The following HERC6 variants were observed in gnomAD, a reference collection of about 807,000 sequenced individuals.
HERC6 encodes the protein HECT and RLD domain containing E3 ubiquitin protein ligase family member 6.
Under a neutral mutation model 114.5 loss-of-function variants are expected in HERC6, and 101 were observed. That is an observed-to-expected ratio of 0.88 (90% confidence interval 0.75 to 1.04). The LOEUF (loss-of-function observed/expected upper bound fraction) is 1.04, where lower values mean the gene tolerates loss of function less well. Ranked by LOEUF, HERC6 falls within the 50% of genes least tolerant of loss-of-function variation. HERC6 has a pLI of 0.00. For missense variants in HERC6, 1,133 were observed against 1,230.9 expected, an observed-to-expected ratio of 0.92 and a Z score of 1.19; for synonymous variants, 408 against 436.2, an observed-to-expected ratio of 0.94 and a Z score of 0.81.
At chr4:88,394,614 G>A (rs929886430) in intron 5 of HERC6, among the ~76,000 whole-genome samples, 16 of 150,396 alleles carry the variant, frequency 1.1e-4, no homozygotes, top group Admixed American at 3.3e-4. Context: ...GTGCAATCTC[G>A]GCTCACTGCA....
Position 88,431,176 on chromosome 4 carries a change from T to C in HERC6, c.2121T>C (p.Asn707=). ...TCTTTCCTTAGGTTGAATTTATTAA[T>C]GAAATTTGTCCTGAGTCTGGAGGGG... The part of the protein sequence containing the change: ...FCKVLVVEFI[N]EICPESGGVS... Residue 707 remains asparagine, a synonymous_variant, in exon 17 of 23, where the codon AAT becomes AAC. Coordinates refer to ENST00000264346, the MANE Select transcript of HERC6 (RefSeq NM_017912.4). The C allele has an allele frequency of 2.5e-6, 4 of 1,606,810 alleles. No individual in the cohort carries two copies. Among genetic ancestry groups the C allele is most frequent in the East Asian group, 2.2e-5 (1 of 44,846 alleles).
chr4:88,405,513 T>A (rs1735775189), intron 9 of HERC6, 41 bp from the exon 10 acceptor site: 1 of 1,104,794 alleles, frequency 9.1e-7, no homozygotes, highest in Non-Finnish European at 1.3e-6. Context: ...AGGCATGCTT[T>A]ATTATATGTT....
chr4:88,401,113 C>T (rs1003962652), intron 8 of HERC6, among the ~76,000 whole-genome samples: 2 of 152,084 alleles, frequency 1.3e-5, no homozygotes, highest in Non-Finnish European at 2.9e-5. Context: ...AAAAGGGGAA[C>T]AAGTGCAAAC....
chr4:88,404,467 G>T (rs933202707), intron 8 of HERC6, among the ~76,000 whole-genome samples: 6 of 152,144 alleles, frequency 3.9e-5, no homozygotes, highest in Admixed American at 1.3e-4. Flanking sequence ...GGGATTGCAG[G>T]CATGAGCCAC....
Position 88,442,700 on chromosome 4 carries a change from A to G in HERC6, c.*240A>G, listed in dbSNP as rs1004615635. 7 of 545,756 alleles carry G rather than the reference A, an allele frequency of 1.3e-5. No homozygotes were observed. In the Admixed American group the frequency reaches 1.9e-4, roughly 15 times the overall value. 33.8% of individuals were successfully genotyped at this position (545,756 alleles called of 1,614,324 possible). On this transcript the variant is annotated 3_prime_UTR_variant, in exon 23 of 23. Coordinates refer to ENST00000264346, the MANE Select transcript of HERC6 (RefSeq NM_017912.4). Reference sequence around the variant, plus strand: ...ACTTGGACACACTCCCTGGCACTGAAGAGTCTGAACACTGGCCTGTGATTG... The same window carrying G: ...ACTTGGACACACTCCCTGGCACTGAGGAGTCTGAACACTGGCCTGTGATTG...
At chr4:88,407,123 G>C (rs983724677) in intron 10 of HERC6, among the ~76,000 whole-genome samples, 12 of 151,938 alleles carry the variant, frequency 7.9e-5, no homozygotes, top group Non-Finnish European at 1.6e-4. Flanking sequence ...TGTCACCCAG[G>C]CTTGAGCGCT....
chr4:88,413,155 C>T lies in HERC6; in HGVS notation c.1447C>T (p.Leu483Phe), dbSNP rs759501698. The part of the protein sequence containing the change: ...SPHQEALSVF[L>F]LLPECPVMHD... ...ACACCAAGAAGCTTTATCAGTTTTC[C>T]TCCTGCTCCCAGAATGTCCTGTGAT... The change falls in exon 12 of 23, where the codon CTC becomes TTC. Residue 483 changes from leucine to phenylalanine, a missense_variant. Leu to Phe is a conservative substitution (Grantham distance 22). Transcript: ENST00000264346. The T allele has an allele frequency of 4.3e-6, 7 of 1,613,508 alleles. No individual in the cohort carries two copies. In the South Asian group the frequency reaches 5.5e-5, roughly 13 times the overall value.
At chr4:88,416,154 A>G (rs551653730) in intron 12 of HERC6, among the ~76,000 whole-genome samples, 2 of 152,300 alleles carry the variant, frequency 1.3e-5, no homozygotes, top group East Asian at 3.9e-4. Context: ...ACAATGGGAG[A>G]GCAGGTGCTC....
At chr4:88,402,933 T>A (rs1735618274) in intron 8 of HERC6, among the ~76,000 whole-genome samples, 1 of 152,212 alleles carries the variant, frequency 6.6e-6, no homozygotes, top group South Asian at 2.1e-4. Context: ...TGAAGGGAAC[T>A]TTAAGAGCCG....
chr4:88,424,008 T>C (rs1737338529), intron 14 of HERC6, 35 bp downstream of exon 14: 2 of 1,045,542 alleles, frequency 1.9e-6, no homozygotes, highest in Non-Finnish European at 2.8e-6. Flanking sequence ...AAAATGTTCA[T>C]ATTTTAAAGG....
chr4:88,384,047 CT>C (rs928186652), intron 2 of HERC6, among the ~76,000 whole-genome samples: 8 of 152,062 alleles, frequency 5.3e-5, no homozygotes, highest in Non-Finnish European at 1.2e-4. Flanking sequence ...CCTGAACTTC[CT>C]TTATCATACT....
At position 88,437,783 on chromosome 4, in the gene HERC6, T is replaced by A. The variant is rs1738907636; in HGVS notation, c.2555+2T>A. ...CATACCTGTGGACCAAACCAACAAG[T>A]AAGTTTTGACAGCTAGAATATCTGT... On this transcript the variant is annotated splice_donor_variant, in intron 20 of 22. Coordinates refer to ENST00000264346, the MANE Select transcript of HERC6 (RefSeq NM_017912.4). LOFTEE classifies it high-confidence loss of function. 10 of 1,593,458 alleles carry A rather than the reference T, an allele frequency of 6.3e-6. No individual in the cohort carries two copies. Among genetic ancestry groups the A allele is most frequent in the Non-Finnish European group, 8.6e-6 (10 of 1,164,770 alleles).
chr4:88,417,852 G>A (rs781247640), intron 13 of HERC6, among the ~76,000 whole-genome samples: 10 of 152,052 alleles, frequency 6.6e-5, no homozygotes, highest in Non-Finnish European at 1.3e-4. Context: ...AAGCTGAGGT[G>A]GGAGGATGGC....
At chr4:88,437,670 C>G in intron 19 of HERC6, 41 bp from the exon 20 acceptor site, 4 of 1,290,120 alleles carry the variant, frequency 3.1e-6, no homozygotes, top group Non-Finnish European at 4.4e-6. Context: ...ATTATTCAAA[C>G]TTACTTTGAT....
chr4:88,432,039 C>T (rs1006386998), intron 17 of HERC6, among the ~76,000 whole-genome samples: 9 of 152,168 alleles, frequency 5.9e-5, no homozygotes, highest in Middle Eastern at 3.2e-3. Context: ...GCTGAGCATC[C>T]TGTAATCTGA....
In HERC6 at chr4:88,442,370, G is replaced by A; in HGVS notation, c.2979G>A (p.Lys993=). 2 of 1,613,808 alleles carry A rather than the reference G, an allele frequency of 1.2e-6. No homozygotes were observed. The highest frequency in any genetic ancestry group is 2.2e-5 in the East Asian group (1 of 44,872). ...GTCATAATATTCTCTCCCTCCCTAAGTATTCTACAATGGAAAGAATGGAGG... is the reference window on the plus strand; with the variant it reads ...GTCATAATATTCTCTCCCTCCCTAAATATTCTACAATGGAAAGAATGGAGG... ...ITCHNILSLP[K]YSTMERMEEA... is the part of the protein sequence containing the mutation. The change falls in exon 23 of 23, where the codon AAG becomes AAA. Residue 993 remains lysine, a synonymous_variant. Transcript: ENST00000264346.
In HERC6 at chr4:88,396,940, A is replaced by T. The variant is rs1560540009; in HGVS notation, c.977A>T (p.Glu326Val). The change falls in exon 7 of 23, where the codon GAG (glutamate) becomes GTG (valine). Residue 326 changes from glutamate to valine, a missense_variant. Glu to Val is a moderately radical substitution (Grantham distance 121). This residue lies in a region of HERC6 where 735 missense variants were observed against 754.0 expected (regional missense o/e 0.97). Transcript: ENST00000264346. Reference protein sequence around the residue: ...PSDTSKPTHPEALTENFDISC... With the variant: ...PSDTSKPTHPVALTENFDISC... ...GACACAAGCAAGCCAACTCATCCGGAGGCCCTGACAGAGAACTTTGACATT... is the reference window on the plus strand; with the variant it reads ...GACACAAGCAAGCCAACTCATCCGGTGGCCCTGACAGAGAACTTTGACATT... 1 of 1,612,484 alleles carries T rather than the reference A, an allele frequency of 6.2e-7. No individual in the cohort carries two copies. The highest frequency in any genetic ancestry group is 8.5e-7 in the Non-Finnish European group (1 of 1,179,048).
At chr4:88,416,246 C>T (rs1259447870) in intron 12 of HERC6, among the ~76,000 whole-genome samples, 1 of 152,208 alleles carries the variant, frequency 6.6e-6, no homozygotes, top group African/African-American at 2.4e-5. Context: ...CAATTGACCT[C>T]GTCAATGACC....
intron 20 of HERC6, among the ~76,000 whole-genome samples, chr4:88,439,212 G>T (rs904034004): frequency 2.6e-5 from 4 of 152,116 alleles, no homozygotes; most frequent in African/African-American, 9.7e-5. Flanking sequence ...GGCCAGAAGT[G>T]AAAATGGAAG....
Sources: allele counts gnomAD v4.1 joint callset (sites outside exome capture counted in the v4.1 genomes callset), GRCh38; gene constraint gnomAD v4.1.1; regional missense constraint gnomAD v4.1.1; transcripts MANE v1.5; gene names NCBI Gene and HGNC (gene_info 2026-07-23, HGNC 2026-07-21).